The following ATP8A1 variants were observed in gnomAD, a reference collection of about 807,000 sequenced individuals.
ATP8A1 encodes phospholipid-transporting ATPase IA.
Under a neutral mutation model 177.7 loss-of-function variants are expected in ATP8A1, and 90 were observed. The observed-to-expected ratio is 0.51, with a 90% CI of 0.43 to 0.60. The LOEUF (loss-of-function observed/expected upper bound fraction) is 0.60. Among genes scored for constraint, ATP8A1 ranks in the 20% least tolerant of loss-of-function variants. The probability of loss-of-function intolerance (pLI) is 0.00; values close to 1 mark genes in which losing one functional copy is unlikely to be tolerated. For synonymous variants in ATP8A1, 493 were observed against 485.9 expected, an observed-to-expected ratio of 1.01 and a Z score of -0.19; for missense variants, 1,072 against 1,392.8, an observed-to-expected ratio of 0.77 and a Z score of 3.67.
At chr4:42,606,578 C>T (rs1414466687) in intron 5 of ATP8A1, among the ~76,000 whole-genome samples, 3 of 152,130 alleles carry the variant, frequency 2.0e-5, no homozygotes, top group African/African-American at 7.2e-5. Context: ...CCAGCTAGTC[C>T]GTCTCATCCT....
intron 4 of ATP8A1, among the ~76,000 whole-genome samples, chr4:42,619,850 G>A (rs933616999): frequency 2.0e-5 from 3 of 151,952 alleles, no homozygotes; most frequent in Non-Finnish European, 2.9e-5. Flanking sequence ...AAAGAGATGC[G>A]TGCTCCATTT....
intron 17 of ATP8A1, 127 bp downstream of exon 17, chr4:42,552,378 T>C (rs1472459921): frequency 1.4e-6 from 1 of 707,664 alleles, no homozygotes; most frequent in African/African-American, 1.8e-5. Context: ...CCAAGGTTTT[T>C]CTAATTGGTA....
intron 4 of ATP8A1, among the ~76,000 whole-genome samples, chr4:42,624,177 T>A (rs1047428578): frequency 2.6e-4 from 39 of 152,130 alleles, no homozygotes; most frequent in Non-Finnish European, 5.4e-4. Context: ...AAATTTATAA[T>A]TATTTAAATT....
chr4:42,488,463 C>G (rs1217079073), intron 24 of ATP8A1, among the ~76,000 whole-genome samples: 1 of 152,092 alleles, frequency 6.6e-6, no homozygotes, highest in East Asian at 1.9e-4. Context: ...ATGGAATGCC[C>G]ACACCAGTCC....
Position 42,442,045 on chromosome 4 carries a change from G to A in ATP8A1, c.3123+1520C>T, listed in dbSNP as rs796447155. Among the ~76,000 whole-genome samples the A allele has an allele frequency of 2.6e-5, 4 of 152,160 alleles. No homozygotes were observed. The South Asian group carries it at 8.3e-4, about 32-fold the overall frequency. On this transcript the variant is annotated intron_variant, in intron 33 of 36. Transcript: ENST00000381668. ...ACTGGGAATTCTACAGGCAAGGGTAGAATTATATTTGGTGGGCAAAAAGCC... is the reference window on the plus strand; with the variant it reads ...ACTGGGAATTCTACAGGCAAGGGTAAAATTATATTTGGTGGGCAAAAAGCC...
chr4:42,461,272 T>TA (rs1719117044), intron 27 of ATP8A1, among the ~76,000 whole-genome samples: 1 of 144,196 alleles, frequency 6.9e-6, no homozygotes. Flanking sequence ...TGCTTTTTGC[T>TA]AATGTGGCTT....
chr4:42,486,022 T>C (rs1388045725), intron 24 of ATP8A1, among the ~76,000 whole-genome samples: 2 of 152,182 alleles, frequency 1.3e-5, no homozygotes, highest in Non-Finnish European at 2.9e-5. Context: ...CACTTGAACA[T>C]AAATTTAATT....
At position 42,506,927 on chromosome 4, in the gene ATP8A1, T is replaced by C; in HGVS notation, c.2086+89A>G. Reference sequence around the variant, plus strand: ...TCCAATCTTGACATATCAAATCTTTTAGATCTTGAAATGTCTCAAATCCAT... The same window carrying C: ...TCCAATCTTGACATATCAAATCTTTCAGATCTTGAAATGTCTCAAATCCAT... On this transcript the variant is annotated intron_variant, in intron 23 of 36. Transcript: ENST00000381668. The C allele has an allele frequency of 3.5e-6, 5 of 1,424,914 alleles. No individual in the cohort carries two copies. In the South Asian group the frequency reaches 5.2e-5, roughly 15 times the overall value. The allele number at this position is 1,424,914 out of a possible 1,614,324, so 88.3% of individuals were successfully genotyped here. A position where few individuals can be genotyped will look rare whatever the true frequency, so the allele number is the denominator to read the frequency against.
At chr4:42,620,547 A>G (rs1737364340) in intron 4 of ATP8A1, among the ~76,000 whole-genome samples, 1 of 152,226 alleles carries the variant, frequency 6.6e-6, no homozygotes, top group Non-Finnish European at 1.5e-5. Context: ...CCAGGGAACA[A>G]AACAAAGCAA....
chr4:42,595,216 T>A (rs1351788371), intron 6 of ATP8A1, among the ~76,000 whole-genome samples: 1 of 152,142 alleles, frequency 6.6e-6, no homozygotes, highest in Non-Finnish European at 1.5e-5. Flanking sequence ...CTTTCTAAAT[T>A]AAAGCCTGTT....
At chr4:42,591,001 C>A in intron 6 of ATP8A1, 117 bp from the exon 7 acceptor site, 1 of 903,818 alleles carries the variant, frequency 1.1e-6, no homozygotes, top group Non-Finnish European at 1.7e-6. Flanking sequence ...GAAAATAATA[C>A]ATGTTAATAA....
intron 1 of ATP8A1, among the ~76,000 whole-genome samples, chr4:42,636,156 A>ACACGCGCGTG (rs565139270): frequency 2.2e-5 from 2 of 90,898 alleles, no homozygotes; most frequent in Non-Finnish European, 5.3e-5. Context: ...ACACACACAC[A>ACACGCGCGTG]CGCACACACA....
chr4:42,500,297 G>A (rs145402983), intron 24 of ATP8A1, among the ~76,000 whole-genome samples: 4,622 of 152,204 alleles, frequency 0.03, 108 homozygotes, highest in Middle Eastern at 0.092. Flanking sequence ...CCCAGAAGGC[G>A]GAGGTTGCGG....
At chr4:42,635,780 CACATATATAT>C (rs1411699785) in intron 1 of ATP8A1, among the ~76,000 whole-genome samples, 5 of 43,466 alleles carry the variant, frequency 1.2e-4, no homozygotes, top group Admixed American at 9.8e-4. Context: ...CACACACACA[CACATATATAT>C]ATATATATAT....
At position 42,444,646 on chromosome 4, in the gene ATP8A1, G is replaced by A; in HGVS notation, c.2959-12C>T. On this transcript the variant is annotated splice_polypyrimidine_tract_variant and intron_variant, in intron 31 of 36. Coordinates refer to ENST00000381668, the MANE Select transcript of ATP8A1 (RefSeq NM_006095.2). ...GTTATCACCACAAACTAAAACAGAA[G>A]GGGAAAATGTTATTTTACCTCATAA... 6.2e-7 allele frequency: 1 copy of A among 1,612,912 alleles called. No homozygotes were observed. Among genetic ancestry groups the A allele is most frequent in the Non-Finnish European group, 8.5e-7 (1 of 1,179,200 alleles).
intron 1 of ATP8A1, among the ~76,000 whole-genome samples, chr4:42,648,108 G>C (rs1331336856): frequency 6.6e-6 from 1 of 152,130 alleles, no homozygotes; most frequent in Non-Finnish European, 1.5e-5. Context: ...ATATAAGAAA[G>C]ATGCCAATTC....
intron 35 of ATP8A1, among the ~76,000 whole-genome samples, chr4:42,416,860 A>T (rs1488589101): frequency 6.6e-6 from 1 of 152,202 alleles, no homozygotes; most frequent in Non-Finnish European, 1.5e-5. Context: ...TAAAAAATCA[A>T]CTAGAACAGA....
At chr4:42,644,069 T>C (rs1030916742) in intron 1 of ATP8A1, among the ~76,000 whole-genome samples, 3 of 152,232 alleles carry the variant, frequency 2.0e-5, no homozygotes, top group Non-Finnish European at 4.4e-5. Flanking sequence ...ATTTATTTGC[T>C]TCAATGAATT....
At chr4:42,613,316 T>C (rs909302627) in intron 5 of ATP8A1, among the ~76,000 whole-genome samples, 2 of 150,144 alleles carry the variant, frequency 1.3e-5, no homozygotes, top group African/African-American at 4.8e-5. Context: ...ATGGGACTTA[T>C]AAGATCTGAA....
Sources: gnomAD v4.1 joint callset for allele counts (sites outside exome capture counted in the v4.1 genomes callset) on GRCh38, gnomAD v4.1.1 for gene constraint, MANE v1.5 for transcripts, NCBI Gene and HGNC (gene_info 2026-07-23, HGNC 2026-07-21) for gene names.